Variants in GALNTL6 observed in about 807,000 individuals in gnomAD.
GALNTL6 encodes the protein polypeptide N-acetylgalactosaminyltransferase like 6, also known as polypeptide N-acetylgalactosaminyltransferase-like 6.
In GALNTL6, 46 loss-of-function variants were observed where a neutral mutation model predicts 73.7. The ratio of observed to expected loss-of-function variants is 0.62; its 90% CI spans 0.49 to 0.80. GALNTL6 has a LOEUF of 0.80. Ranked by LOEUF, GALNTL6 falls within the 30% of genes least tolerant of loss-of-function variation. The probability of loss-of-function intolerance (pLI) is 0.00; values close to 1 mark genes in which losing one functional copy is unlikely to be tolerated. For missense variants in GALNTL6, 604 were observed against 755.0 expected, an observed-to-expected ratio of 0.80 and a Z score of 2.34; for synonymous variants, 259 against 263.7, an observed-to-expected ratio of 0.98 and a Z score of 0.17.
chr4:172,048,267 A>G (rs1742274020), intron 2 of GALNTL6, among the ~76,000 whole-genome samples: 1 of 152,068 alleles, frequency 6.6e-6, no homozygotes, highest in South Asian at 2.1e-4. Flanking sequence ...TCAGTGCAAA[A>G]GAAGCACAGA....
chr4:173,026,899 G>GT (rs1753255812), intron 12 of GALNTL6, among the ~76,000 whole-genome samples: 1 of 152,110 alleles, frequency 6.6e-6, no homozygotes. Context: ...CCTTCATGTA[G>GT]TTAGTCTTCC....
intron 3 of GALNTL6, among the ~76,000 whole-genome samples, chr4:172,266,632 C>A (rs1253638389): frequency 6.6e-6 from 1 of 152,056 alleles, no homozygotes; most frequent in East Asian, 1.9e-4. Flanking sequence ...GTATTGCCTG[C>A]TTTCTAATAC....
At chr4:172,397,818 C>T (rs1364802107) in intron 5 of GALNTL6, among the ~76,000 whole-genome samples, 1 of 152,032 alleles carries the variant, frequency 6.6e-6, no homozygotes, top group Non-Finnish European at 1.5e-5. Context: ...ACCTTGTGAT[C>T]CTCCCACCTT....
At chr4:172,413,896 G>T (rs938041054) in intron 5 of GALNTL6, among the ~76,000 whole-genome samples, 1 of 152,072 alleles carries the variant, frequency 6.6e-6, no homozygotes, top group South Asian at 2.1e-4. Context: ...AATATGAAAA[G>T]TAGGTCTGTC....
chr4:172,988,089 A>T (rs183607808), intron 10 of GALNTL6, among the ~76,000 whole-genome samples: 20 of 152,334 alleles, frequency 1.3e-4, no homozygotes, highest in Admixed American at 1.3e-3. Context: ...AGTTGGAACA[A>T]TTTGGAGGGC....
chr4:172,733,465 A>G (rs930609407), intron 5 of GALNTL6, among the ~76,000 whole-genome samples: 7 of 151,278 alleles, frequency 4.6e-5, no homozygotes, highest in African/African-American at 1.5e-4. Flanking sequence ...CATAATCCCT[A>G]TGGGGGTATT....
chr4:173,015,992 G>A (rs1267493888), intron 11 of GALNTL6, among the ~76,000 whole-genome samples: 2 of 152,192 alleles, frequency 1.3e-5, no homozygotes, highest in African/African-American at 4.8e-5. Flanking sequence ...CTCCAGCATG[G>A]CTAAAAGGTG....
At chr4:171,904,085 G>A (rs1338410761) in intron 2 of GALNTL6, among the ~76,000 whole-genome samples, 7 of 152,274 alleles carry the variant, frequency 4.6e-5, no homozygotes, top group South Asian at 2.1e-4. Context: ...AAAGCAGAGC[G>A]CCTCTCCTCC....
chr4:171,930,316 G>A (rs1738138138), intron 2 of GALNTL6, among the ~76,000 whole-genome samples: 1 of 152,204 alleles, frequency 6.6e-6, no homozygotes, highest in African/African-American at 2.4e-5. Flanking sequence ...CCTCACTGAT[G>A]AAAATCACAG....
At chr4:172,547,197 G>A (rs1735805599) in intron 5 of GALNTL6, among the ~76,000 whole-genome samples, 1 of 151,954 alleles carries the variant, frequency 6.6e-6, no homozygotes, top group East Asian at 1.9e-4. Flanking sequence ...TGTGAGCAGT[G>A]GTTAGAATGC....
chr4:172,202,635 A>G (rs747597110), intron 2 of GALNTL6, among the ~76,000 whole-genome samples: 1 of 152,150 alleles, frequency 6.6e-6, no homozygotes, highest in Non-Finnish European at 1.5e-5. Context: ...GTACTTGTGA[A>G]ATCAGTGTGG....
intron 5 of GALNTL6, among the ~76,000 whole-genome samples, chr4:172,789,757 G>C (rs1009849761): frequency 1.3e-5 from 2 of 152,172 alleles, no homozygotes; most frequent in African/African-American, 2.4e-5. Flanking sequence ...TCCTGGGAAG[G>C]ACTTTAGAAC....
At chr4:172,320,543 A>G (rs144717134) in intron 4 of GALNTL6, among the ~76,000 whole-genome samples, 71 of 152,332 alleles carry the variant, frequency 4.7e-4, no homozygotes, top group African/African-American at 1.5e-3. Flanking sequence ...ATATTTAGGA[A>G]GATACAGCCT....
chr4:173,030,693 G>C (rs563466593), intron 12 of GALNTL6, among the ~76,000 whole-genome samples: 1 of 152,126 alleles, frequency 6.6e-6, no homozygotes, highest in African/African-American at 2.4e-5. Context: ...CTCTGTGCCC[G>C]GTCTGTGTTC....
intron 2 of GALNTL6, among the ~76,000 whole-genome samples, chr4:171,947,777 C>A (rs1488580050): frequency 1.3e-5 from 2 of 152,130 alleles, no homozygotes; most frequent in Non-Finnish European, 2.9e-5. Context: ...CCCTCACCTC[C>A]ACTAGCAGCC....
intron 2 of GALNTL6, among the ~76,000 whole-genome samples, chr4:171,951,611 C>T (rs200892344): frequency 6.6e-6 from 1 of 151,886 alleles, no homozygotes. Flanking sequence ...TAATTAAGCA[C>T]TTTTAAAAAT....
intron 8 of GALNTL6, among the ~76,000 whole-genome samples, chr4:172,925,828 C>G (rs1158518790): frequency 6.6e-6 from 1 of 152,184 alleles, no homozygotes; most frequent in Non-Finnish European, 1.5e-5. Context: ...ACCTACAGAA[C>G]TGTGATACAG....
Position 171,871,131 on chromosome 4 carries a change from CAGT to C in GALNTL6, c.138+56417_138+56419del, listed in dbSNP as rs559622694. On this transcript the variant is annotated intron_variant, in intron 2 of 12. Transcript: ENST00000506823. ...ACATTAAAATATGTACAGGTAAATA[CAGT>C]AGTCCCTTCTTATTTGTGGGGAGTA... Among the ~76,000 whole-genome samples the C allele has an allele frequency of 9.2e-5, 14 of 152,116 alleles. No individual in the cohort carries two copies. In the South Asian group the frequency reaches 2.9e-3, roughly 32 times the overall value.
At chr4:171,979,169 C>A (rs1048116342) in intron 2 of GALNTL6, among the ~76,000 whole-genome samples, 4 of 151,954 alleles carry the variant, frequency 2.6e-5, no homozygotes, top group Admixed American at 2.6e-4. Context: ...TTGAATTGAC[C>A]CAGAGCAATG....
Sources: gnomAD v4.1 joint callset for allele counts (sites outside exome capture counted in the v4.1 genomes callset) on GRCh38, gnomAD v4.1.1 for gene constraint, MANE v1.5 for transcripts, NCBI Gene and HGNC (gene_info 2026-07-23, HGNC 2026-07-21) for gene names.